Variants in GDPD4 observed in about 807,000 individuals in gnomAD.
The protein encoded by GDPD4 is glycerophosphodiester phosphodiesterase 6.
GDPD4 carries 60 observed loss-of-function variants against 67.8 expected under a neutral mutation model. The ratio of observed to expected loss-of-function variants is 0.88; its 90% CI spans 0.72 to 1.10. The LOEUF (loss-of-function observed/expected upper bound fraction) is 1.10, where lower values mean the gene tolerates loss of function less well. Ranked by LOEUF, GDPD4 falls within the 50% of genes least tolerant of loss-of-function variation. GDPD4 has a pLI of 0.00. For synonymous variants in GDPD4, 212 were observed against 210.9 expected (o/e 1.00, Z -0.04); for missense variants, 623 against 613.9 (o/e 1.01, Z -0.16).
Position 77,233,141 on chromosome 11 carries a change from C to T in GDPD4, c.1273G>A (p.Val425Ile), listed in dbSNP as rs1034560793. 14 of 1,613,910 alleles carry T rather than the reference C, an allele frequency of 8.7e-6. No individual in the cohort carries two copies. Among genetic ancestry groups the T allele is most frequent in the Admixed American group, 3.3e-5 (2 of 60,006 alleles). ...AGCCAAGGCTCATTGACGGTGTATA[C>T]GTTGATATGGATGTTAGCTGCTTTA... The part of the protein sequence containing the change: ...DYKAANIHIN[V>I]YTVNEPWLFS... Residue 425 changes from valine to isoleucine, a missense_variant, in exon 14 of 17, where the codon GTA becomes ATA. Coordinates refer to ENST00000315938, the MANE Select transcript of GDPD4 (RefSeq NM_182833.3).
chr11:77,247,839 G>A (rs1958808414), intron 11 of GDPD4, among the ~76,000 whole-genome samples: 1 of 152,072 alleles, frequency 6.6e-6, no homozygotes, highest in African/African-American at 2.4e-5. Context: ...ATCACCTGAG[G>A]TCAGGAGTTC....
At chr11:77,243,952 TAC>T in intron 12 of GDPD4, 104 bp from the exon 13 acceptor site, 1 of 720,518 alleles carries the variant, frequency 1.4e-6, no homozygotes, top group South Asian at 1.8e-5. Context: ...GGTAGTATTC[TAC>T]AGAGAGTAGA....
intron 3 of GDPD4, among the ~76,000 whole-genome samples, chr11:77,283,136 T>A (rs1959834486): frequency 6.6e-6 from 1 of 152,174 alleles, no homozygotes; most frequent in South Asian, 2.1e-4. Context: ...GCAAGGATGA[T>A]CATGGAAGCT....
At chr11:77,253,177 T>C (rs999164156) in intron 11 of GDPD4, among the ~76,000 whole-genome samples, 1 of 152,308 alleles carries the variant, frequency 6.6e-6, no homozygotes, top group East Asian at 1.9e-4. Flanking sequence ...ACTCCACTCT[T>C]GCTAGGCAGG....
Position 77,233,042 on chromosome 11 carries a change from G to C in GDPD4, c.1372C>G (p.His458Asp), listed in dbSNP as rs1299825846. Residue 458 changes from histidine to aspartate, a missense_variant, in exon 14 of 17, where the codon CAC (histidine) becomes GAC (aspartate). Transcript: ENST00000315938. The part of the protein sequence containing the change: ...DNIGLLSQLD[H>D]PHFFMTPKFY... ...CAGCTCACCATGAAGAAGTGAGGGT[G>C]ATCAAGCTGACTCAGGAGCCCAATG... 1.2e-6 allele frequency: 2 copies of C among 1,614,074 alleles called. No individual in the cohort carries two copies. The highest frequency in any genetic ancestry group is 8.5e-7 in the Non-Finnish European group (1 of 1,179,942).
At chr11:77,269,241 T>C (rs1017726782) in intron 8 of GDPD4, among the ~76,000 whole-genome samples, 172 bp from the exon 9 acceptor site, 2 of 152,148 alleles carry the variant, frequency 1.3e-5, no homozygotes, top group Non-Finnish European at 2.9e-5. Context: ...TTCCAGGGAT[T>C]TGGATATAAA....
intron 11 of GDPD4, among the ~76,000 whole-genome samples, chr11:77,255,720 G>A (rs1297672267): frequency 6.6e-6 from 1 of 151,884 alleles, no homozygotes; most frequent in Admixed American, 6.6e-5. Flanking sequence ...AATTAGCTGG[G>A]CATGGTGGCG....
At position 77,260,471 on chromosome 11, in the gene GDPD4, G is replaced by C. The variant is rs895367124; in HGVS notation, c.708-1929C>G. On this transcript the variant is annotated intron_variant, in intron 10 of 16. Coordinates refer to ENST00000315938, the MANE Select transcript of GDPD4 (RefSeq NM_182833.3). Reference sequence around the variant, plus strand: ...TGCTAGAAAATGACCAACCTTAAAGGATACAAGATATAGCACCCAACAATG... The same window carrying C: ...TGCTAGAAAATGACCAACCTTAAAGCATACAAGATATAGCACCCAACAATG... Among the ~76,000 whole-genome samples, 7 of 152,096 alleles carry C rather than the reference G, an allele frequency of 4.6e-5. No individual in the cohort carries two copies. The South Asian group carries it at 1.5e-3, about 32-fold the overall frequency.
chr11:77,245,641 G>A (rs926354359), intron 11 of GDPD4, 139 bp from the exon 12 acceptor site: 3 of 619,274 alleles, frequency 4.8e-6, no homozygotes, highest in Non-Finnish European at 5.7e-6. Context: ...CTAGAAAACA[G>A]GTGACAAGGA....
chr11:77,257,552 TACACACACAC>T lies in GDPD4; in HGVS notation c.864+824_864+833del, dbSNP rs71043563. On this transcript the variant is annotated intron_variant, in intron 11 of 16. Transcript: ENST00000315938. ...TTCCTCTATCCCTCCCTCCCTCTCCTACACACACACACACACACACACACACACACACACA... is the reference window on the plus strand; with the variant it reads ...TTCCTCTATCCCTCCCTCCCTCTCCTACACACACACACACACACACACACA... Among the ~76,000 whole-genome samples the T allele has an allele frequency of 3.6e-3, 486 of 134,334 alleles. 4 individuals carry two copies. The highest frequency in any genetic ancestry group is 0.012 in the African/African-American group (431 of 36,238). 88.1% of individuals were successfully genotyped at this position (134,334 alleles called of 152,430 possible).
chr11:77,293,438 T>C (rs1261465735), intron 1 of GDPD4, among the ~76,000 whole-genome samples: 2 of 151,460 alleles, frequency 1.3e-5, no homozygotes, highest in African/African-American at 4.9e-5. Flanking sequence ...CACAAAAAAA[T>C]ACAAAAATTA....
chr11:77,259,262 G>A (rs1591553934), intron 10 of GDPD4, among the ~76,000 whole-genome samples: 2 of 152,152 alleles, frequency 1.3e-5, no homozygotes, highest in African/African-American at 2.4e-5. Flanking sequence ...TTATAGGCAT[G>A]AGCCACCGTG....
chr11:77,269,994 A>G, intron 7 of GDPD4, 34 bp from the exon 8 acceptor site: 1 of 1,109,424 alleles, frequency 9.0e-7, no homozygotes, highest in Non-Finnish European at 1.4e-6. Flanking sequence ...AAAAGAGTTC[A>G]TTATTGTCCC....
At chr11:77,289,318 G>A (rs1047138555) in intron 1 of GDPD4, among the ~76,000 whole-genome samples, 2 of 147,430 alleles carry the variant, frequency 1.4e-5, no homozygotes, top group East Asian at 2.1e-4. Flanking sequence ...AGCCAAGATC[G>A]CACCACTGCA....
At position 77,243,847 on chromosome 11, in the gene GDPD4, A is replaced by C. The variant is rs1565517735; in HGVS notation, c.1088T>G (p.Ile363Ser). Residue 363 changes from isoleucine (I) to serine (S), a missense_variant and splice_region_variant, in exon 13 of 17, where the codon ATT becomes AGT. Coordinates refer to ENST00000315938, the MANE Select transcript of GDPD4 (RefSeq NM_182833.3). ...CCTATCATGAGCTGGCAACCAAAAA[A>C]TCTCTAAGGAGAAACAAGAAGTCCC... ...ILASKIEQHL[I>S]FWLPAHDRQY... 6.2e-7 allele frequency: 1 copy of C among 1,612,264 alleles called. No homozygotes were observed.
intron 16 of GDPD4, among the ~76,000 whole-genome samples, chr11:77,221,724 C>G (rs941105033): frequency 1.3e-4 from 20 of 152,132 alleles, no homozygotes; most frequent in African/African-American, 3.6e-4. Flanking sequence ...TTGGGGTGGA[C>G]AGTTCTGTAG....
At chr11:77,242,965 T>C (rs530016808) in intron 13 of GDPD4, among the ~76,000 whole-genome samples, 1 of 152,098 alleles carries the variant, frequency 6.6e-6, no homozygotes, top group South Asian at 2.1e-4. Flanking sequence ...TAGATATCTA[T>C]ATATTATGTA....
chr11:77,243,923 G>A, intron 12 of GDPD4, 75 bp from the exon 13 acceptor site: 1 of 988,948 alleles, frequency 1.0e-6, no homozygotes, highest in Non-Finnish European at 1.6e-6. Context: ...GAGAATGGAG[G>A]GAGCTCCATT....
At chr11:77,245,603 A>G in intron 11 of GDPD4, 101 bp from the exon 12 acceptor site, 4 of 729,178 alleles carry the variant, frequency 5.5e-6, no homozygotes, top group African/African-American at 1.8e-5. Flanking sequence ...TTATCATTCA[A>G]TCCATCAGGC....
Sources: gnomAD v4.1 joint callset for allele counts (sites outside exome capture counted in the v4.1 genomes callset) on GRCh38, gnomAD v4.1.1 for gene constraint, MANE v1.5 for transcripts, NCBI Gene and HGNC (gene_info 2026-07-23, HGNC 2026-07-21) for gene names.